Variants in KAT2B observed in about 807,000 individuals in gnomAD.
KAT2B encodes the protein histone acetyltransferase KAT2B.
KAT2B carries 36 observed loss-of-function variants against 105.9 expected under a neutral mutation model. That is an observed-to-expected ratio of 0.34 (90% CI 0.26 to 0.45). The LOEUF is 0.45. Among genes scored for constraint, KAT2B ranks in the 20% least tolerant of loss-of-function variants. KAT2B has a pLI of 1.00. For synonymous variants in KAT2B, 397 were observed against 377.9 expected (o/e 1.05, Z -0.59); for missense variants, 820 against 1,021.6 (o/e 0.80, Z 2.69).
chr3:20,082,090 A>G (rs1698530615), intron 2 of KAT2B, among the ~76,000 whole-genome samples: 1 of 152,046 alleles, frequency 6.6e-6, no homozygotes, highest in Admixed American at 6.6e-5. Flanking sequence ...GCTGGAGTGC[A>G]ATGGTGCAGT....
chr3:20,045,214 C>T (rs902341049), intron 1 of KAT2B, among the ~76,000 whole-genome samples: 2 of 151,890 alleles, frequency 1.3e-5, no homozygotes, highest in Non-Finnish European at 2.9e-5. Context: ...GATGGGGTTT[C>T]GCCATGTTTG....
At chr3:20,143,542 G>A (rs1379284556) in intron 13 of KAT2B, among the ~76,000 whole-genome samples, 6 of 152,028 alleles carry the variant, frequency 3.9e-5, no homozygotes, top group Non-Finnish European at 5.9e-5. Context: ...GCATATACCC[G>A]AAGGAAAATA....
At chr3:20,052,955 G>T (rs563026627) in intron 1 of KAT2B, among the ~76,000 whole-genome samples, 2 of 152,038 alleles carry the variant, frequency 1.3e-5, no homozygotes, top group Admixed American at 1.3e-4. Flanking sequence ...CAGCCTGGGC[G>T]ACAAGAGCTA....
chr3:20,079,777 A>T (rs907976403), intron 2 of KAT2B, among the ~76,000 whole-genome samples: 2 of 152,180 alleles, frequency 1.3e-5, no homozygotes, highest in African/African-American at 4.8e-5. Context: ...AGCTAGCACA[A>T]TGACACAGCC....
chr3:20,086,391 G>A (rs559908203), intron 2 of KAT2B, among the ~76,000 whole-genome samples: 1 of 152,284 alleles, frequency 6.6e-6, no homozygotes, highest in Admixed American at 6.5e-5. Context: ...TTGAGCCCAG[G>A]AGTTCAAGAC....
chr3:20,134,248 T>C (rs1022629987), intron 11 of KAT2B, among the ~76,000 whole-genome samples: 2 of 152,222 alleles, frequency 1.3e-5, no homozygotes, highest in Non-Finnish European at 2.9e-5. Flanking sequence ...TATTTTACCT[T>C]ACATTTAGAT....
At chr3:20,101,512 T>C in intron 5 of KAT2B, 44 bp downstream of exon 5, 1 of 1,554,306 alleles carries the variant, frequency 6.4e-7, no homozygotes, top group Non-Finnish European at 8.9e-7. Context: ...ATAAAGCCTG[T>C]TACAGACCTA....
chr3:20,085,584 C>T (rs928037616), intron 2 of KAT2B, among the ~76,000 whole-genome samples: 3 of 149,382 alleles, frequency 2.0e-5, no homozygotes, highest in Non-Finnish European at 4.4e-5. Context: ...AATTTTGGCT[C>T]ACTGCAGCCT....
In KAT2B at chr3:20,127,273, TG is replaced by T; in HGVS notation, c.1623-148del. 4 of 669,304 alleles carry T rather than the reference TG, an allele frequency of 6.0e-6. No individual in the cohort carries two copies. In the South Asian group the frequency reaches 7.6e-5, roughly 13 times the overall value. The allele number at this position is 669,304 out of a possible 1,614,324, so 41.5% of individuals were successfully genotyped here. On this transcript the variant is annotated intron_variant, in intron 10 of 17. Coordinates refer to ENST00000263754, the MANE Select transcript of KAT2B (RefSeq NM_003884.5). ...GCTCTAAAAAGTTCAGATAAAAGGA[TG>T]GTCTAGCGAGATAGGGGCTACATGA...
intron 2 of KAT2B, among the ~76,000 whole-genome samples, chr3:20,074,820 C>A (rs542918107): frequency 1.3e-5 from 2 of 152,134 alleles, no homozygotes; most frequent in Non-Finnish European, 2.9e-5. Flanking sequence ...GATTTAAATA[C>A]CCTGTGGAGG....
At chr3:20,080,054 C>T (rs970301418) in intron 2 of KAT2B, among the ~76,000 whole-genome samples, 1 of 152,110 alleles carries the variant, frequency 6.6e-6, no homozygotes, top group African/African-American at 2.4e-5. Flanking sequence ...TATTCCTTGC[C>T]TGTGTCTGCT....
rs1473780027 is a variant in KAT2B, at chr3:20,146,351, A to G, written c.2040A>G (p.Gln680=). The G allele has an allele frequency of 1.2e-6, 2 of 1,612,700 alleles. No individual in the cohort carries two copies. Among genetic ancestry groups the G allele is most frequent in the South Asian group, 1.1e-5 (1 of 91,062 alleles). Reference sequence around the variant, plus strand: ...AACTGATTGAAAGAAAACAGGCACAAATTCGAAAAGTTTACCCTGGACTTT... The same window carrying G: ...AACTGATTGAAAGAAAACAGGCACAGATTCGAAAAGTTTACCCTGGACTTT... ...IKKLIERKQA[Q]IRKVYPGLSC... is the part of the protein sequence containing the mutation. The change falls in exon 14 of 18, where the codon CAA becomes CAG. Residue 680 remains glutamine, a synonymous_variant. Transcript: ENST00000263754.
intron 2 of KAT2B, among the ~76,000 whole-genome samples, chr3:20,082,809 C>T (rs1698543217): frequency 6.6e-6 from 1 of 152,132 alleles, no homozygotes; most frequent in African/African-American, 2.4e-5. Context: ...TAAGCATTTG[C>T]AATGAGTATG....
intron 5 of KAT2B, among the ~76,000 whole-genome samples, chr3:20,104,812 G>A (rs1698969924): frequency 6.6e-6 from 1 of 151,924 alleles, no homozygotes; most frequent in Non-Finnish European, 1.5e-5. Flanking sequence ...AAAGCAGACT[G>A]AACAGTAGTA....
At chr3:20,056,928 A>G (rs143289529) in intron 1 of KAT2B, among the ~76,000 whole-genome samples, 18 of 152,336 alleles carry the variant, frequency 1.2e-4, no homozygotes, top group South Asian at 2.1e-4. Flanking sequence ...TTGGACTGCA[A>G]TTGCCTTGGA....
chr3:20,117,380 C>T (rs1022727119), intron 7 of KAT2B, among the ~76,000 whole-genome samples: 1 of 152,116 alleles, frequency 6.6e-6, no homozygotes. Context: ...ACTTAATTAG[C>T]ATGTCTGCGT....
chr3:20,052,718 A>G (rs905245146), intron 1 of KAT2B, among the ~76,000 whole-genome samples: 4 of 152,162 alleles, frequency 2.6e-5, no homozygotes, highest in African/African-American at 9.6e-5. Flanking sequence ...CTGTAATCCC[A>G]GCACTTTAGG....
chr3:20,075,057 A>T (rs1698393198), intron 2 of KAT2B, among the ~76,000 whole-genome samples: 1 of 152,180 alleles, frequency 6.6e-6, no homozygotes, highest in Non-Finnish European at 1.5e-5. Flanking sequence ...CAAGGTCAGG[A>T]GTTCGAGACC....
intron 3 of KAT2B, among the ~76,000 whole-genome samples, chr3:20,096,521 C>T (rs983263189): frequency 6.6e-6 from 1 of 152,122 alleles, no homozygotes; most frequent in Admixed American, 6.5e-5. Flanking sequence ...ATTGTGTAAC[C>T]CTTACAAGGA....
Sources: gnomAD v4.1 joint callset for allele counts (sites outside exome capture counted in the v4.1 genomes callset) on GRCh38, gnomAD v4.1.1 for gene constraint, MANE v1.5 for transcripts, NCBI Gene and HGNC (gene_info 2026-07-23, HGNC 2026-07-21) for gene names.